Variants in PSD3 observed in about 807,000 individuals in gnomAD.
PSD3 encodes pleckstrin and Sec7 domain containing 3, also known as PH and SEC7 domain-containing protein 3.
PSD3 carries 49 observed loss-of-function variants against 105.5 expected under a neutral mutation model. The ratio of observed to expected loss-of-function variants is 0.46; its 90% confidence interval spans 0.37 to 0.59. The LOEUF is 0.59. PSD3 is among the 20% of genes least tolerant of loss of function. PSD3 has a pLI of 0.00. For missense variants in PSD3, 1,561 were observed against 1,263.8 expected (o/e 1.24, Z -3.57); for synonymous variants, 557 against 457.8 (o/e 1.22, Z -2.77).
In PSD3 at chr8:18,830,672, G is replaced by C. The variant is rs561112706; in HGVS notation, c.1635-25774C>G. ...AATGAGTTACCTAAAGAACAACATG[G>C]TCGCGAAAGGAGATAAAAAGACTGC... On this transcript the variant is annotated intron_variant, in intron 4 of 15. Coordinates refer to ENST00000327040, the MANE Select transcript of PSD3 (RefSeq NM_015310.4). Among the ~76,000 whole-genome samples the C allele has an allele frequency of 1.7e-4, 26 of 152,308 alleles. No individual in the cohort carries two copies. The South Asian group carries it at 5.0e-3, about 29-fold the overall frequency.
At chr8:18,841,851 G>C (rs142009971) in intron 4 of PSD3, among the ~76,000 whole-genome samples, 4 of 152,092 alleles carry the variant, frequency 2.6e-5, no homozygotes, top group African/African-American at 4.8e-5. Context: ...ACATTAGCTA[G>C]TAAAGAGACC....
rs551535446 is a variant in PSD3, at chr8:18,739,435, C to G, written c.2172+26014G>C. Among the ~76,000 whole-genome samples the G allele has an allele frequency of 2.0e-4, 30 of 152,250 alleles. 1 individual carries two copies. In the South Asian group the frequency reaches 3.9e-3, roughly 20 times the overall value. ...ACACATGTAAATACAGTGCCTTTGTCTGGACTCTATAGAGAACCAGAAAGT... is the reference window on the plus strand; with the variant it reads ...ACACATGTAAATACAGTGCCTTTGTGTGGACTCTATAGAGAACCAGAAAGT... On this transcript the variant is annotated intron_variant, in intron 9 of 15. Coordinates refer to ENST00000327040, the MANE Select transcript of PSD3 (RefSeq NM_015310.4).
At chr8:18,778,244 C>A (rs940835675) in intron 8 of PSD3, among the ~76,000 whole-genome samples, 5 of 152,088 alleles carry the variant, frequency 3.3e-5, no homozygotes, top group African/African-American at 1.2e-4. Context: ...AATGGGATTA[C>A]TTTCCTGATT....
intron 14 of PSD3, among the ~76,000 whole-genome samples, chr8:18,560,044 T>C (rs1394671815): frequency 2.0e-5 from 3 of 152,194 alleles, no homozygotes; most frequent in Admixed American, 1.3e-4. Flanking sequence ...TAAAGCATTT[T>C]AAAATCACAT....
intron 9 of PSD3, among the ~76,000 whole-genome samples, chr8:18,739,542 A>G (rs2129434061): frequency 6.6e-6 from 1 of 152,254 alleles, no homozygotes; most frequent in African/African-American, 2.4e-5. Flanking sequence ...TCTAATTTCC[A>G]TTTTTCATGT....
intron 12 of PSD3, among the ~76,000 whole-genome samples, chr8:18,591,609 C>G (rs776002528): frequency 8.5e-5 from 13 of 152,154 alleles, no homozygotes; most frequent in Non-Finnish European, 1.6e-4. Flanking sequence ...ACACTTAGAA[C>G]AGAGTAGAGA....
At chr8:18,706,370 T>C (rs1012550588) in intron 9 of PSD3, among the ~76,000 whole-genome samples, 5 of 152,216 alleles carry the variant, frequency 3.3e-5, no homozygotes, top group Non-Finnish European at 5.9e-5. Flanking sequence ...CTAATTGTTC[T>C]ATTATAACTA....
At chr8:18,979,692 C>T (rs773374118) in intron 1 of PSD3, 11 of 180,586 alleles carry the variant, frequency 6.1e-5, no homozygotes, top group African/African-American at 1.2e-4. Context: ...CAGGGTGTTA[C>T]GCAAGGGACA....
Position 19,013,679 on chromosome 8 carries a change from T to C in PSD3, c.-96A>G. 1 of 1,109,722 alleles carries C rather than the reference T, an allele frequency of 9.0e-7. No homozygotes were observed. Among genetic ancestry groups the C allele is most frequent in the Non-Finnish European group, 1.1e-6 (1 of 888,676 alleles). The allele number at this position is 1,109,722 out of a possible 1,614,324, so 68.7% of individuals were successfully genotyped here. On this transcript the variant is annotated 5_prime_UTR_variant, in exon 1 of 16. Coordinates refer to ENST00000327040, the MANE Select transcript of PSD3 (RefSeq NM_015310.4). ...AGTGCCGGCGGCCAGCGCCGCGTGC[T>C]CTTTGTTGAGCTCCCGGGACTGCCG... is the stretch of plus-strand genomic sequence containing the variant.
Position 18,651,550 on chromosome 8 carries a change from T to C in PSD3, c.2216+4092A>G, listed in dbSNP as rs551831173. On this transcript the variant is annotated intron_variant, in intron 10 of 15. Coordinates refer to ENST00000327040, the MANE Select transcript of PSD3 (RefSeq NM_015310.4). Reference sequence around the variant, plus strand: ...GAGCCTTCATTACATATAAACACTATGATCAGCAACAGAGGAGATAAAGGG... The same window carrying C: ...GAGCCTTCATTACATATAAACACTACGATCAGCAACAGAGGAGATAAAGGG... Among the ~76,000 whole-genome samples, 20 of 152,328 alleles carry C rather than the reference T, an allele frequency of 1.3e-4. No homozygotes were observed. In the South Asian group the frequency reaches 3.9e-3, roughly 30 times the overall value.
At position 18,572,764 on chromosome 8, in the gene PSD3, T is replaced by C. The variant is rs1332348369; in HGVS notation, c.2640-92A>G. 3.6e-6 allele frequency: 5 copies of C among 1,406,338 alleles called. No homozygotes were observed. The East Asian group carries it at 1.2e-4, about 33-fold the overall frequency. 87.1% of individuals were successfully genotyped at this position (1,406,338 alleles called of 1,614,324 possible). A position where few individuals can be genotyped will look rare whatever the true frequency, so the allele number is the denominator to read the frequency against. ...TTCACGTTACTGATTTGCAATGGCA[T>C]GTGAAAATCATTTACTCCTCCTGGT... On this transcript the variant is annotated intron_variant, in intron 13 of 15. Coordinates refer to ENST00000327040, the MANE Select transcript of PSD3 (RefSeq NM_015310.4).
chr8:18,686,825 C>G (rs1030777029), intron 9 of PSD3, among the ~76,000 whole-genome samples: 2 of 152,210 alleles, frequency 1.3e-5, no homozygotes, highest in Non-Finnish European at 2.9e-5. Context: ...GACCCTCCAT[C>G]TGCTGTCATC....
intron 8 of PSD3, among the ~76,000 whole-genome samples, chr8:18,769,890 T>G (rs1307990494): frequency 6.6e-6 from 1 of 152,252 alleles, no homozygotes; most frequent in African/African-American, 2.4e-5. Flanking sequence ...AATTGATGAA[T>G]GTTTAGACTA....
chr8:18,902,632 C>A (rs1311428206), intron 2 of PSD3, among the ~76,000 whole-genome samples: 1 of 151,882 alleles, frequency 6.6e-6, no homozygotes, highest in Non-Finnish European at 1.5e-5. Flanking sequence ...GAACGGTAGC[C>A]TCTTCCAAAC....
chr8:19,039,631 C>A (rs1021894925), intron 1 of PSD3, among the ~76,000 whole-genome samples: 1 of 152,168 alleles, frequency 6.6e-6, no homozygotes, highest in African/African-American at 2.4e-5. Flanking sequence ...CCCTTCACAC[C>A]TGTGGCTCCT....
intron 8 of PSD3, among the ~76,000 whole-genome samples, chr8:18,787,124 G>A (rs894141358): frequency 2.0e-5 from 3 of 152,084 alleles, no homozygotes; most frequent in Non-Finnish European, 4.4e-5. Context: ...GTGGCTCAAG[G>A]CTTCATAAGT....
rs549375932 is a variant in PSD3 at position 18,653,768 on chromosome 8, A to T, written c.2216+1874T>A. ...TAAATAAAATCTGCTGTAACAAATT[A>T]AAAAAAAAAACCTAGATTTACAAAA... On this transcript the variant is annotated intron_variant, in intron 10 of 15. Transcript: ENST00000327040. Among the ~76,000 whole-genome samples the T allele has an allele frequency of 9.6e-4, 141 of 146,366 alleles. 1 individual carries two copies. The highest frequency in any genetic ancestry group is 2.2e-3 in the Admixed American group (32 of 14,672).
intron 4 of PSD3, among the ~76,000 whole-genome samples, chr8:18,821,520 A>G (rs1402453665): frequency 6.6e-6 from 1 of 152,186 alleles, no homozygotes; most frequent in East Asian, 1.9e-4. Context: ...TCAAGGCCTA[A>G]CAAAATTACA....
intron 10 of PSD3, among the ~76,000 whole-genome samples, chr8:18,650,414 G>A (rs1808386180): frequency 6.6e-6 from 1 of 152,186 alleles, no homozygotes; most frequent in Non-Finnish European, 1.5e-5. Flanking sequence ...GCTGCATGAT[G>A]CAAGTAGGTC....
Sources: gnomAD v4.1 joint callset for allele counts (sites outside exome capture counted in the v4.1 genomes callset) on GRCh38, gnomAD v4.1.1 for gene constraint, MANE v1.5 for transcripts, NCBI Gene and HGNC (gene_info 2026-07-23, HGNC 2026-07-21) for gene names.